Variants in SYT7 observed in about 807,000 individuals in gnomAD.
SYT7 encodes synaptotagmin-7.
SYT7 carries 29 observed loss-of-function variants against 75.1 expected under a neutral mutation model. That is an observed-to-expected ratio of 0.39 (90% CI 0.29 to 0.53). SYT7 has a LOEUF of 0.53. SYT7 is among the 20% of genes least tolerant of loss of function. The probability of loss-of-function intolerance (pLI) is 0.77; values close to 1 mark genes in which losing one functional copy is unlikely to be tolerated. For missense variants in SYT7, 693 were observed against 953.2 expected, an observed-to-expected ratio of 0.73 and a Z score of 3.59; for synonymous variants, 376 against 401.7, an observed-to-expected ratio of 0.94 and a Z score of 0.76.
At chr11:61,545,729 T>C (rs1379456118) in intron 5 of SYT7, among the ~76,000 whole-genome samples, 1 of 151,900 alleles carries the variant, frequency 6.6e-6, no homozygotes, top group African/African-American at 2.4e-5. Context: ...TCAAAGAGGA[T>C]GGGATGACCC....
At chr11:61,562,225 C>T (rs147352179) in intron 1 of SYT7, among the ~76,000 whole-genome samples, 1 of 152,166 alleles carries the variant, frequency 6.6e-6, no homozygotes, top group Admixed American at 6.5e-5. Context: ...ATTTCTCCTG[C>T]CTCTGAGTTC....
At chr11:61,548,251 G>C (rs2063248626) in intron 3 of SYT7, among the ~76,000 whole-genome samples, 1 of 152,204 alleles carries the variant, frequency 6.6e-6, no homozygotes, top group Admixed American at 6.5e-5. Context: ...GTGTGTCCCT[G>C]GCCTGCCTGC....
At chr11:61,547,008 C>T (rs1365287462) in intron 4 of SYT7, among the ~76,000 whole-genome samples, 169 bp downstream of exon 4, 2 of 150,860 alleles carry the variant, frequency 1.3e-5, no homozygotes, top group Non-Finnish European at 2.9e-5. Flanking sequence ...TGGGGTTGCT[C>T]GTCTCCATGG....
chr11:61,565,477 G>T (rs1404322895), intron 1 of SYT7, among the ~76,000 whole-genome samples: 2 of 152,198 alleles, frequency 1.3e-5, no homozygotes, highest in African/African-American at 4.8e-5. Flanking sequence ...TCCAGGTCTT[G>T]CCATCTTGCA....
rs1030168403 is a variant in SYT7 at position 61,567,350 on chromosome 11, A to C, written c.32-11143T>G. Among the ~76,000 whole-genome samples the C allele has an allele frequency of 9.7e-5, 13 of 133,852 alleles. No homozygotes were observed. In the South Asian group the frequency reaches 2.2e-3, roughly 23 times the overall value. 87.8% of individuals were successfully genotyped at this position (133,852 alleles called of 152,430 possible). On this transcript the variant is annotated intron_variant, in intron 1 of 12. Transcript: ENST00000539008. Reference sequence around the variant, plus strand: ...GGAGCCATTGAGCGCCCCGCCCCCCAGAGCTGTCCAAGGTGCTGAAACAGC... The same window carrying C: ...GGAGCCATTGAGCGCCCCGCCCCCCCGAGCTGTCCAAGGTGCTGAAACAGC...
chr11:61,528,326 G>T, intron 8 of SYT7, 141 bp from the exon 9 acceptor site: 1 of 1,081,964 alleles, frequency 9.2e-7, no homozygotes, highest in Admixed American at 2.6e-5. Flanking sequence ...CAGGCTCAGA[G>T]GGCAGGTGCC....
In SYT7 at chr11:61,542,347, G is replaced by A. The variant is rs1347904888; in HGVS notation, c.805C>T (p.Arg269Trp). Reference protein sequence around the residue: ...APGPNPRAYGRGQARQGTSAG... With the variant: ...APGPNPRAYGWGQARQGTSAG... ...GAGGTGCCCTGCCGAGCCTGGCCCC[G>A]GCCATAGGCCCGGGGGTTGGGGCCT... Residue 269 changes from arginine (R) to tryptophan (W), a missense_variant, in exon 6 of 13, where the codon CGG becomes TGG. Around this residue, in one of 2 missense-constraint regions of SYT7, gnomAD observed 487 missense variants for 593.2 expected, o/e 0.82. Coordinates refer to ENST00000539008, the MANE Select transcript of SYT7 (RefSeq NM_001365809.2). This position sits in a 1 kb window ranked among gnomAD's most constrained non-coding sequence, Gnocchi z 7.8. The A allele has an allele frequency of 1.7e-5, 26 of 1,530,404 alleles. No individual in the cohort carries two copies. The highest frequency in any genetic ancestry group is 2.5e-5 in the East Asian group (1 of 40,574). 94.8% of individuals were successfully genotyped at this position (1,530,404 alleles called of 1,614,324 possible). A position where few individuals can be genotyped will look rare whatever the true frequency, so the allele number is the denominator to read the frequency against.
the SYT7 span, among the ~76,000 whole-genome samples, chr11:61,587,641 G>A: frequency 6.6e-6 from 1 of 152,232 alleles, no homozygotes; most frequent in East Asian, 1.9e-4. Context: ...CAGAATTCCT[G>A]GGGGGCGGGG....
chr11:61,543,311 A>C (rs1264161342), intron 5 of SYT7, among the ~76,000 whole-genome samples: 1 of 152,188 alleles, frequency 6.6e-6, no homozygotes, highest in African/African-American at 2.4e-5. Context: ...GAAAGAGTGC[A>C]CACAGGGTGG....
chr11:61,529,372 G>C (rs1031083999), intron 8 of SYT7, among the ~76,000 whole-genome samples: 5 of 152,164 alleles, frequency 3.3e-5, no homozygotes, highest in Non-Finnish European at 5.9e-5. Context: ...CATGACCAGC[G>C]ACTCTCGCAT....
intron 8 of SYT7, among the ~76,000 whole-genome samples, chr11:61,529,347 C>T (rs1300562084): frequency 6.6e-6 from 1 of 152,228 alleles, no homozygotes; most frequent in African/African-American, 2.4e-5. Flanking sequence ...AATAATGCAT[C>T]AAGTGGGCTC....
intron 1 of SYT7, among the ~76,000 whole-genome samples, chr11:61,572,072 G>A (rs1304696751): frequency 6.6e-6 from 1 of 152,030 alleles, no homozygotes; most frequent in Admixed American, 6.5e-5. Flanking sequence ...CACTCCCTTC[G>A]CACCTCCCCA....
intron 12 of SYT7, among the ~76,000 whole-genome samples, chr11:61,522,417 C>T (rs918256460): frequency 3.1e-4 from 47 of 151,854 alleles, no homozygotes; most frequent in Admixed American, 2.5e-3. Context: ...CTCAAACTCC[C>T]GACCGCAGAT....
intron 12 of SYT7, among the ~76,000 whole-genome samples, chr11:61,521,115 C>T (rs1296369649): frequency 6.6e-6 from 1 of 152,200 alleles, no homozygotes; most frequent in African/African-American, 2.4e-5. Context: ...TCTGGGATTG[C>T]CCCCATGGCA....
In SYT7 at chr11:61,542,368, GGCCTGGT is replaced by G; in HGVS notation, c.777_783del (p.Gly261ThrfsTer48). 6.5e-7 allele frequency: 1 copy of G among 1,530,708 alleles called. No individual in the cohort carries two copies. Among genetic ancestry groups the G allele is most frequent in the Non-Finnish European group, 8.7e-7 (1 of 1,144,494 alleles). The allele number at this position is 1,530,708 out of a possible 1,614,324, so 94.8% of individuals were successfully genotyped here. A position where few individuals can be genotyped will look rare whatever the true frequency, so the allele number is the denominator to read the frequency against. ...CCCCGGCCATAGGCCCGGGGGTTGG[GGCCTGGT>G]GCCGAGGCCATGTGGGCCTGCAGCT... On this transcript the variant is annotated frameshift_variant, in exon 6 of 13. Transcript: ENST00000539008. LOFTEE classifies it high-confidence loss of function. This position sits in a 1 kb window ranked among gnomAD's most constrained non-coding sequence, Gnocchi z 7.8.
Position 61,542,508 on chromosome 11 carries a change from C to T in SYT7, c.644G>A (p.Cys215Tyr). 1 of 1,531,946 alleles carries T rather than the reference C, an allele frequency of 6.5e-7. No individual in the cohort carries two copies. The highest frequency in any genetic ancestry group is 8.7e-7 in the Non-Finnish European group (1 of 1,145,232). The allele number at this position is 1,531,946 out of a possible 1,614,324, so 94.9% of individuals were successfully genotyped here. ...SIPSSTGEPK[C>Y]QRPRTLMRQQ... ...CCGCATCAGGGTGCGGGGTCGCTGG[C>T]ATTTCGGCTCTCCCGTGGAGCTGGG... The change falls in exon 6 of 13, where the codon TGC (cysteine) becomes TAC (tyrosine). Residue 215 changes from cysteine (C) to tyrosine (Y), a missense_variant. Physicochemically the swap from Cys to Tyr is radical, Grantham distance 194. This residue lies in a region of SYT7 where 487 missense variants were observed against 593.2 expected (regional missense o/e 0.82). Transcript: ENST00000539008. This position sits in a 1 kb window ranked among gnomAD's most constrained non-coding sequence, Gnocchi z 7.8.
At chr11:61,585,128 A>C (rs1236987882), upstream of SYT7, among the ~76,000 whole-genome samples, 1 of 152,148 alleles carries the variant, frequency 6.6e-6, no homozygotes, top group African/African-American at 2.4e-5. Context: ...TCTCCCAAAC[A>C]GGGCCCCTGA....
At chr11:61,570,589 G>C (rs991365997) in intron 1 of SYT7, among the ~76,000 whole-genome samples, 1 of 152,260 alleles carries the variant, frequency 6.6e-6, no homozygotes, top group African/African-American at 2.4e-5. Context: ...CAGAGGCATG[G>C]TTCTGACTCA....
intron 8 of SYT7, among the ~76,000 whole-genome samples, chr11:61,532,066 A>G (rs367593016): frequency 1.3e-5 from 2 of 151,990 alleles, no homozygotes; most frequent in South Asian, 4.2e-4. Flanking sequence ...GGAACCCTAC[A>G]TGGCAGAAGG....
Sources: allele counts gnomAD v4.1 joint callset (sites outside exome capture counted in the v4.1 genomes callset), GRCh38; gene constraint gnomAD v4.1.1; regional missense constraint gnomAD v4.1.1; non-coding constraint Gnocchi (gnomAD v3.1); transcripts MANE v1.5; gene names NCBI Gene and HGNC (gene_info 2026-07-23, HGNC 2026-07-21).